Variants in SLC24A2 observed in about 807,000 individuals in gnomAD.
SLC24A2 encodes sodium/potassium/calcium exchanger 2.
SLC24A2 carries 36 observed loss-of-function variants against 62.0 expected under a neutral mutation model. That is an observed-to-expected ratio of 0.58 (90% CI 0.44 to 0.77). The LOEUF (loss-of-function observed/expected upper bound fraction) is 0.77, where lower values mean the gene tolerates loss of function less well. Ranked by LOEUF, SLC24A2 falls within the 30% of genes least tolerant of loss-of-function variation. SLC24A2 has a pLI of 0.00. For synonymous variants in SLC24A2, 358 were observed against 294.0 expected (o/e 1.22, Z -2.23); for missense variants, 846 against 817.9 (o/e 1.03, Z -0.42).
intron 8 of SLC24A2, among the ~76,000 whole-genome samples, chr9:19,547,805 T>A (rs985525536): frequency 1.3e-5 from 2 of 151,272 alleles, no homozygotes; most frequent in Admixed American, 1.3e-4. Flanking sequence ...CACAAAAGCA[T>A]TGGACTAAAC....
chr9:20,154,619 A>T, the SLC24A2 span, among the ~76,000 whole-genome samples: 8 of 148,532 alleles, frequency 5.4e-5, no homozygotes, highest in Non-Finnish European at 8.9e-5. Flanking sequence ...ACCATGTCAG[A>T]TTCTTTGCCA....
intron 2 of SLC24A2, among the ~76,000 whole-genome samples, chr9:19,710,354 C>A (rs983498469): frequency 1.3e-5 from 2 of 152,086 alleles, no homozygotes; most frequent in African/African-American, 4.8e-5. Flanking sequence ...AGTGCCATGA[C>A]AAGGAGAGGG....
At chr9:19,570,071 C>T (rs1347451796) in intron 7 of SLC24A2, among the ~76,000 whole-genome samples, 5 of 152,176 alleles carry the variant, frequency 3.3e-5, no homozygotes, top group Non-Finnish European at 7.3e-5. Context: ...ACATTCTCTG[C>T]TTTGCTAGAA....
intron 8 of SLC24A2, among the ~76,000 whole-genome samples, chr9:19,545,282 C>A (rs1004042431): frequency 2.0e-5 from 3 of 151,954 alleles, no homozygotes; most frequent in Non-Finnish European, 2.9e-5. Context: ...TCCATCAGGT[C>A]ATTTATGTTC....
the SLC24A2 span, among the ~76,000 whole-genome samples, chr9:19,931,025 T>G: frequency 6.8e-4 from 103 of 152,284 alleles, no homozygotes; most frequent in African/African-American, 2.2e-3. Flanking sequence ...CAATAGTGAT[T>G]GAAACCTCCA....
At chr9:20,038,505 C>T in the SLC24A2 span, among the ~76,000 whole-genome samples, 17 of 152,084 alleles carry the variant, frequency 1.1e-4, no homozygotes, top group African/African-American at 3.4e-4. Flanking sequence ...GGTGACCCTA[C>T]GAATAAAAAC....
the SLC24A2 span, among the ~76,000 whole-genome samples, chr9:19,960,069 AG>A: frequency 6.6e-6 from 1 of 152,216 alleles, no homozygotes; most frequent in Admixed American, 6.5e-5. Flanking sequence ...GTGTCCGTTG[AG>A]GATAAGCTAT....
chr9:19,531,038 G>C (rs936081059), intron 8 of SLC24A2, among the ~76,000 whole-genome samples: 1 of 152,058 alleles, frequency 6.6e-6, no homozygotes, highest in African/African-American at 2.4e-5. Context: ...GCTCTGCTCT[G>C]AATGTCAGAA....
At chr9:19,663,715 G>A (rs1339500665) in intron 2 of SLC24A2, among the ~76,000 whole-genome samples, 1 of 152,180 alleles carries the variant, frequency 6.6e-6, no homozygotes, top group Non-Finnish European at 1.5e-5. Context: ...GCCACTCTCT[G>A]TAATGGAGTC....
Position 19,788,965 on chromosome 9 carries a change from C to T in SLC24A2, c.-234G>A, listed in dbSNP as rs986123925. 2.0e-6 allele frequency: 2 copies of T among 984,806 alleles called. No homozygotes were observed. Among genetic ancestry groups the T allele is most frequent in the Admixed American group, 6.1e-5 (1 of 16,290 alleles). The allele number at this position is 984,806 out of a possible 1,614,324, so 61.0% of individuals were successfully genotyped here. ...TCCAGTCCGCCGGCCCTCCGCCTAC[C>T]CGCTCTGAGGCCCGGGCTCTGGCTC... On this transcript the variant is annotated 5_prime_UTR_variant, in exon 1 of 11. Transcript: ENST00000341998.
chr9:19,960,965 G>C, the SLC24A2 span, among the ~76,000 whole-genome samples: 1 of 151,700 alleles, frequency 6.6e-6, no homozygotes, highest in African/African-American at 2.4e-5. Context: ...ACTCTGGAAT[G>C]CCCTAGACTA....
chr9:19,691,562 T>C (rs562964974), intron 2 of SLC24A2, among the ~76,000 whole-genome samples: 27 of 152,288 alleles, frequency 1.8e-4, no homozygotes, highest in Admixed American at 1.3e-3. Flanking sequence ...CCTAGTACTT[T>C]AAGAGTAGTT....
At chr9:19,689,332 C>T (rs1344550021) in intron 2 of SLC24A2, among the ~76,000 whole-genome samples, 3 of 152,136 alleles carry the variant, frequency 2.0e-5, no homozygotes, top group African/African-American at 7.2e-5. Context: ...GAGCTTTTCT[C>T]AAAAGGCCAT....
At chr9:20,224,509 T>C in the SLC24A2 span, among the ~76,000 whole-genome samples, 2 of 152,078 alleles carry the variant, frequency 1.3e-5, no homozygotes, top group Non-Finnish European at 2.9e-5. Context: ...AAAAAATAGA[T>C]TGATTAAACT....
At chr9:19,875,998 TAGAA>T in the SLC24A2 span, among the ~76,000 whole-genome samples, 1 of 152,184 alleles carries the variant, frequency 6.6e-6, no homozygotes, top group East Asian at 1.9e-4. Flanking sequence ...CAAGAGTTAG[TAGAA>T]TACCAACACT....
At chr9:19,612,702 C>G (rs969650348) in intron 4 of SLC24A2, among the ~76,000 whole-genome samples, 1 of 152,084 alleles carries the variant, frequency 6.6e-6, no homozygotes, top group Admixed American at 6.5e-5. Context: ...ATTCACTGCT[C>G]ATAGTTCTTT....
chr9:20,174,319 C>T, the SLC24A2 span, among the ~76,000 whole-genome samples: 1 of 151,718 alleles, frequency 6.6e-6, no homozygotes, highest in Non-Finnish European at 1.5e-5. Context: ...AACCGAAAAG[C>T]AAAAGCAATT....
At chr9:19,930,011 C>T in the SLC24A2 span, 2 of 151,974 alleles carry the variant, frequency 1.3e-5, no homozygotes, top group Non-Finnish European at 2.9e-5. Context: ...AGTGTTATTA[C>T]AAAAAGTCAA....
At chr9:19,791,739 G>A (rs377128239), upstream of SLC24A2, among the ~76,000 whole-genome samples, 9 of 152,288 alleles carry the variant, frequency 5.9e-5, no homozygotes, top group East Asian at 3.9e-4. Context: ...GTAGCTTCAG[G>A]AGAAAATTTA....
Sources: allele counts gnomAD v4.1 joint callset (sites outside exome capture counted in the v4.1 genomes callset), GRCh38; gene constraint gnomAD v4.1.1; transcripts MANE v1.5; gene names NCBI Gene and HGNC (gene_info 2026-07-23, HGNC 2026-07-21).